The following PACRG variants were observed in gnomAD, a reference collection of about 807,000 sequenced individuals.
PACRG encodes the protein parkin coregulated.
Under a neutral mutation model 29.7 loss-of-function variants are expected in PACRG, and 29 were observed. The ratio of observed to expected loss-of-function variants is 0.98; its 90% CI spans 0.73 to 1.33. PACRG has a LOEUF of 1.33. Ranked by LOEUF, PACRG falls within the 40% of genes most tolerant of loss-of-function variation. PACRG has a pLI of 0.00. For missense variants in PACRG, 279 were observed against 316.2 expected (o/e 0.88, Z 0.89); for synonymous variants, 116 against 118.7 (o/e 0.98, Z 0.15).
intron 4 of PACRG, chr6:163,310,481 T>A (rs1240319380): frequency 6.6e-6 from 1 of 152,150 alleles, no homozygotes; most frequent in Non-Finnish European, 1.5e-5. Context: ...GAGTAGATGC[T>A]TAGTCTACAG....
chr6:162,862,645 G>A (rs1018147695), intron 2 of PACRG, among the ~76,000 whole-genome samples: 7 of 152,178 alleles, frequency 4.6e-5, no homozygotes, highest in East Asian at 1.9e-4. Context: ...AAGTCACTCC[G>A]TATAACTGGA....
intron 2 of PACRG, among the ~76,000 whole-genome samples, chr6:162,912,169 A>G (rs1796345949): frequency 6.6e-6 from 1 of 152,272 alleles, no homozygotes; most frequent in Admixed American, 6.5e-5. Context: ...TCTGTTGCTA[A>G]TGCCTGCTAT....
At chr6:163,140,774 A>G (rs1289687463) in intron 4 of PACRG, among the ~76,000 whole-genome samples, 1 of 152,214 alleles carries the variant, frequency 6.6e-6, no homozygotes, top group African/African-American at 2.4e-5. Context: ...ATCCAAAGAA[A>G]TAAATAGGAT....
chr6:162,920,493 G>A (rs1796992318), intron 2 of PACRG, among the ~76,000 whole-genome samples: 3 of 152,170 alleles, frequency 2.0e-5, no homozygotes, highest in Admixed American at 6.5e-5. Context: ...AGATTTCCAT[G>A]GGACTTGAGA....
intron 4 of PACRG, among the ~76,000 whole-genome samples, chr6:163,148,010 G>A (rs1460794400): frequency 2.0e-5 from 3 of 152,170 alleles, no homozygotes; most frequent in Non-Finnish European, 4.4e-5. Context: ...CTCATTATCT[G>A]GTTGATACCA....
chr6:162,731,789 A>C (rs1779789710), intron 1 of PACRG, among the ~76,000 whole-genome samples: 1 of 152,164 alleles, frequency 6.6e-6, no homozygotes, highest in African/African-American at 2.4e-5. Flanking sequence ...ATCAATATTT[A>C]TAAATTATAT....
intron 4 of PACRG, among the ~76,000 whole-genome samples, chr6:163,199,379 G>GGTTTGTGTCAGCC: frequency 6.6e-6 from 1 of 152,254 alleles, no homozygotes; most frequent in East Asian, 1.9e-4. Context: ...GCTCCTCCAG[G>GGTTTGTGTCAGCC]GTTTGTGTCA....
rs185005181 is a variant in PACRG at position 162,806,432 on chromosome 6, A to G, written c.157-7715A>G. On this transcript the variant is annotated intron_variant, in intron 1 of 4. Transcript: ENST00000366888. The stretch of plus-strand genomic sequence containing the variant: ...GCCTAAAATGTATTTCTTAAGTAAA[A>G]AAAAAAAAAAAGCTGAAAGTCAAAA... 3.8e-3 allele frequency among the ~76,000 whole-genome samples: 571 copies of G among 151,736 alleles called. 4 individuals carry two copies. The highest frequency in any genetic ancestry group is 0.013 in the African/African-American group (555 of 41,456).
upstream of PACRG, chr6:162,727,344 T>TGAGGGGCGG (rs1198506189): frequency 3.1e-5 from 9 of 293,756 alleles, no homozygotes; most frequent in East Asian, 1.9e-4. Context: ...GGAGAAGGCT[T>TGAGGGGCGG]CGGGACCCCA....
intron 2 of PACRG, among the ~76,000 whole-genome samples, chr6:162,928,888 C>T (rs1797644806): frequency 6.6e-6 from 1 of 151,798 alleles, no homozygotes; most frequent in Non-Finnish European, 1.5e-5. Context: ...CTGTGCATGG[C>T]ATATATTACT....
intron 4 of PACRG, among the ~76,000 whole-genome samples, chr6:163,100,148 G>T (rs1191948542): frequency 2.0e-5 from 3 of 152,000 alleles, no homozygotes; most frequent in African/African-American, 7.2e-5. Context: ...CTACGGCTCG[G>T]CCCGAACCCA....
At chr6:163,278,418 T>C (rs926325079) in intron 4 of PACRG, among the ~76,000 whole-genome samples, 4 of 152,232 alleles carry the variant, frequency 2.6e-5, no homozygotes, top group Admixed American at 6.5e-5. Flanking sequence ...TAAGTCAATG[T>C]CTAGAAAAGT....
intron 2 of PACRG, among the ~76,000 whole-genome samples, chr6:162,889,462 T>C (rs750625836): frequency 2.0e-5 from 3 of 152,226 alleles, no homozygotes; most frequent in Non-Finnish European, 2.9e-5. Context: ...TTATAGCTTG[T>C]TAACCTAGAT....
At chr6:163,300,285 C>T (rs957560009) in intron 4 of PACRG, among the ~76,000 whole-genome samples, 4 of 152,238 alleles carry the variant, frequency 2.6e-5, no homozygotes, top group Non-Finnish European at 4.4e-5. Flanking sequence ...ATTTGGAAGC[C>T]TGGTCCAGGG....
At position 163,268,575 on chromosome 6, in the gene PACRG, G is replaced by A. The variant is rs9456850; in HGVS notation, c.614-46252G>A. Among the ~76,000 whole-genome samples, 1,062 of 152,074 alleles carry A rather than the reference G, an allele frequency of 7.0e-3. 14 individuals are homozygous for A. Among genetic ancestry groups the A allele is most frequent in the African/African-American group, 0.024 (988 of 41,462 alleles). On this transcript the variant is annotated intron_variant, in intron 4 of 4. Coordinates refer to ENST00000366888, the MANE Select transcript of PACRG (RefSeq NM_001080379.2). ...TTTCTTTCATAAGAAAGCCCTAAAC[G>A]GTCAGTTTGCTGTTCATACTTTTTC...
chr6:163,242,753 G>A (rs761224947), intron 4 of PACRG, among the ~76,000 whole-genome samples: 1 of 152,192 alleles, frequency 6.6e-6, no homozygotes, highest in Non-Finnish European at 1.5e-5. Flanking sequence ...TTACCGAGTT[G>A]TGTCATTTAT....
At chr6:163,237,719 T>C (rs1166346188) in intron 4 of PACRG, among the ~76,000 whole-genome samples, 2 of 152,194 alleles carry the variant, frequency 1.3e-5, no homozygotes, top group African/African-American at 2.4e-5. Context: ...GGTCACAAAT[T>C]AATCACTTTA....
chr6:162,872,316 T>C (rs1584607608), intron 2 of PACRG, among the ~76,000 whole-genome samples: 1 of 152,240 alleles, frequency 6.6e-6, no homozygotes, highest in African/African-American at 2.4e-5. Context: ...TTGATAAATG[T>C]AATTTTAAAA....
intron 4 of PACRG, among the ~76,000 whole-genome samples, chr6:163,195,071 G>A (rs1780389520): frequency 6.6e-6 from 1 of 152,124 alleles, no homozygotes; most frequent in South Asian, 2.1e-4. Context: ...GATGGTAGAG[G>A]GAGTCCACTT....
Sources: gnomAD v4.1 joint callset for allele counts (sites outside exome capture counted in the v4.1 genomes callset) on GRCh38, gnomAD v4.1.1 for gene constraint, MANE v1.5 for transcripts, NCBI Gene and HGNC (gene_info 2026-07-23, HGNC 2026-07-21) for gene names.